WWOX: variants seen among roughly 807,000 people sequenced by gnomAD.
The protein encoded by WWOX is WW domain containing oxidoreductase.
In WWOX, 69 loss-of-function variants were observed where a neutral mutation model predicts 46.2. The ratio of observed to expected loss-of-function variants is 1.49; its 90% CI spans 1.23 to 1.82. WWOX has a LOEUF of 1.82. WWOX is among the 40% of genes most tolerant of loss of function. WWOX has a pLI of 0.00. For missense variants in WWOX, 919 were observed against 542.6 expected (o/e 1.69, Z -6.89); for synonymous variants, 359 against 202.6 (o/e 1.77, Z -6.56).
chr16:78,742,798 A>C (rs749982785), intron 8 of WWOX, among the ~76,000 whole-genome samples: 1 of 152,128 alleles, frequency 6.6e-6, no homozygotes, highest in Non-Finnish European at 1.5e-5. Context: ...GTTCTTGGGA[A>C]ACTTTGCGGG....
At chr16:78,811,718 C>CAG (rs1163983099) in intron 8 of WWOX, among the ~76,000 whole-genome samples, 1 of 151,992 alleles carries the variant, frequency 6.6e-6, no homozygotes, top group East Asian at 1.9e-4. Flanking sequence ...TGAGGGGACC[C>CAG]ATCCTCAAGA....
intron 8 of WWOX, among the ~76,000 whole-genome samples, chr16:78,822,601 G>C (rs1209975159): frequency 6.6e-6 from 1 of 152,148 alleles, no homozygotes; most frequent in Non-Finnish European, 1.5e-5. Flanking sequence ...TCAGAGCCTA[G>C]ATATTCACTA....
intron 8 of WWOX, among the ~76,000 whole-genome samples, chr16:79,074,409 CTTTTTTTTTTTTTT>C (rs60074156): frequency 6.1e-4 from 19 of 30,974 alleles, no homozygotes; most frequent in Non-Finnish European, 7.7e-4. Flanking sequence ...GTCACTAGTC[CTTTTTTTTTTTTTT>C]TTTTTTTTTT....
chr16:78,972,250 A>T (rs2046485746), intron 8 of WWOX, among the ~76,000 whole-genome samples: 1 of 152,066 alleles, frequency 6.6e-6, no homozygotes, highest in African/African-American at 2.4e-5. Flanking sequence ...AATTCATGTA[A>T]TGTTGCTGTT....
chr16:78,796,067 C>G (rs2050728043), intron 8 of WWOX, among the ~76,000 whole-genome samples: 2 of 152,170 alleles, frequency 1.3e-5, no homozygotes, highest in African/African-American at 4.8e-5. Context: ...ATAATAAATA[C>G]TTTAGACTGG....
intron 4 of WWOX, among the ~76,000 whole-genome samples, chr16:78,145,596 C>G (rs2034171169): frequency 6.6e-6 from 1 of 152,196 alleles, no homozygotes. Flanking sequence ...TGTCTCTCTT[C>G]ATCCGCTGAC....
At chr16:78,526,203 G>T (rs1044896692) in intron 8 of WWOX, 1 of 152,204 alleles carries the variant, frequency 6.6e-6, no homozygotes, top group Non-Finnish European at 1.5e-5. Flanking sequence ...GGGAGTAGCG[G>T]GGCAGAAGCC....
intron 8 of WWOX, among the ~76,000 whole-genome samples, chr16:78,944,167 C>T (rs1186435621): frequency 6.6e-6 from 1 of 152,040 alleles, no homozygotes; most frequent in Non-Finnish European, 1.5e-5. Context: ...TGATTTTTGT[C>T]TTTCAAGACT....
chr16:78,706,560 C>T (rs1018923791), intron 8 of WWOX, among the ~76,000 whole-genome samples: 4 of 152,194 alleles, frequency 2.6e-5, no homozygotes, highest in Admixed American at 6.5e-5. Context: ...CAGGCAGGAA[C>T]AAGAGAGCTC....
At chr16:78,170,831 A>C (rs2035132947) in intron 5 of WWOX, among the ~76,000 whole-genome samples, 1 of 152,154 alleles carries the variant, frequency 6.6e-6, no homozygotes, top group African/African-American at 2.4e-5. Flanking sequence ...GAGAAAGCAG[A>C]GAGATGAGGG....
At chr16:78,511,236 C>G (rs924516250) in intron 8 of WWOX, among the ~76,000 whole-genome samples, 1 of 152,204 alleles carries the variant, frequency 6.6e-6, no homozygotes, top group Non-Finnish European at 1.5e-5. Flanking sequence ...CCCCAGCGCA[C>G]ACATCACCTC....
chr16:78,968,241 G>C (rs560958069), intron 8 of WWOX, among the ~76,000 whole-genome samples: 1 of 152,360 alleles, frequency 6.6e-6, no homozygotes, highest in South Asian at 2.1e-4. Flanking sequence ...GCAAGTGAAT[G>C]AGTGAATGGG....
intron 6 of WWOX, among the ~76,000 whole-genome samples, chr16:78,411,392 T>C (rs535460934): frequency 1.2e-4 from 18 of 152,288 alleles, no homozygotes; most frequent in African/African-American, 4.3e-4. Context: ...TTTTCTTCAG[T>C]GAAATAATAT....
intron 8 of WWOX, among the ~76,000 whole-genome samples, chr16:78,895,178 A>G (rs1232540852): frequency 2.6e-5 from 4 of 152,330 alleles, no homozygotes; most frequent in African/African-American, 7.2e-5. Flanking sequence ...GATAGCATCA[A>G]CGGCTTTAAA....
intron 5 of WWOX, among the ~76,000 whole-genome samples, chr16:78,265,473 G>T (rs552702235): frequency 1.7e-4 from 26 of 152,076 alleles, no homozygotes; most frequent in Non-Finnish European, 2.9e-4. Flanking sequence ...GAGGTCAGGA[G>T]TTCGAGACCA....
rs144950708 is a variant in WWOX at position 78,111,717 on chromosome 16, G to A, written c.230+1882G>A. ...GTTTCAATGGTCACGTACGTTGTCC[G>A]CTTTCATGCTCCTCCCGTACTCCTG... On this transcript the variant is annotated intron_variant, in intron 3 of 8. Coordinates refer to ENST00000566780, the MANE Select transcript of WWOX (RefSeq NM_016373.4). 3.5e-4 allele frequency: 54 copies of A among 155,394 alleles called. No homozygotes were observed. The East Asian group carries it at 3.9e-3, about 11-fold the overall frequency. The allele number at this position is 155,394 out of a possible 1,614,324, so 9.6% of individuals were successfully genotyped here. A position where few individuals can be genotyped will look rare whatever the true frequency, so the allele number is the denominator to read the frequency against.
At chr16:78,100,596 C>T (rs182002245) in intron 1 of WWOX, among the ~76,000 whole-genome samples, 4 of 152,322 alleles carry the variant, frequency 2.6e-5, no homozygotes, top group African/African-American at 9.6e-5. Context: ...ACTATCATTT[C>T]CTGGGAAAGT....
At chr16:79,029,206 G>A (rs145450881) in intron 8 of WWOX, among the ~76,000 whole-genome samples, 3 of 152,128 alleles carry the variant, frequency 2.0e-5, no homozygotes, top group Non-Finnish European at 4.4e-5. Flanking sequence ...ATGCACAGGA[G>A]ACCTTTGCCC....
In WWOX at chr16:79,042,728, G is replaced by GTTTTTT. The variant is rs11379084; in HGVS notation, c.1057-168870_1057-168865dup. Among the ~76,000 whole-genome samples the GTTTTTT allele has an allele frequency of 1.0e-3, 147 of 143,106 alleles. 2 individuals are homozygous for GTTTTTT. Among genetic ancestry groups the GTTTTTT allele is most frequent in the East Asian group, 2.9e-3 (14 of 4,878 alleles). The allele number at this position is 143,106 out of a possible 152,430, so 93.9% of individuals were successfully genotyped here. On this transcript the variant is annotated intron_variant, in intron 8 of 8. Transcript: ENST00000566780. ...GTGGGAAGACAGATGAATACTCAGGGTTTTTTTTTTTTTTTCTTCTAACTT... is the reference window on the plus strand; with the variant it reads ...GTGGGAAGACAGATGAATACTCAGGGTTTTTTTTTTTTTTTTTTTTTCTTCTAACTT...
Sources: gnomAD v4.1 joint callset for allele counts (sites outside exome capture counted in the v4.1 genomes callset) on GRCh38, gnomAD v4.1.1 for gene constraint, MANE v1.5 for transcripts, NCBI Gene and HGNC (gene_info 2026-07-23, HGNC 2026-07-21) for gene names.